SLC16A2: variants seen among roughly 807,000 people sequenced by gnomAD.
SLC16A2 encodes solute carrier family 16 member 2.
SLC16A2 carries 3 observed loss-of-function variants against 27.2 expected under a neutral mutation model. The observed-to-expected ratio is 0.11, with a 90% confidence interval of 0.05 to 0.28. SLC16A2 has a LOEUF of 0.28. Ranked by LOEUF, SLC16A2 falls within the 10% of genes least tolerant of loss-of-function variation. SLC16A2 has a pLI of 1.00. For missense variants in SLC16A2, 295 were observed against 458.5 expected (o/e 0.64, Z 3.26); for synonymous variants, 202 against 187.8 (o/e 1.08, Z -0.62).
chrX:74,528,836 C>T (rs779708534), intron 4 of SLC16A2, among the ~76,000 whole-genome samples: 2 of 111,862 alleles, frequency 1.8e-5, no homozygotes, highest in East Asian at 5.6e-4. Flanking sequence ...CTGAGAACAC[C>T]GGTATGGCCT....
At chrX:74,431,639 C>A (rs180898526) in intron 1 of SLC16A2, among the ~76,000 whole-genome samples, 1 of 112,123 alleles carries the variant, frequency 8.9e-6, no homozygotes, top group East Asian at 2.8e-4. Context: ...GAAAAAGAAA[C>A]TGTCTCTTCT....
chrX:74,474,244 G>A (rs771544096), intron 1 of SLC16A2, among the ~76,000 whole-genome samples: 14 of 111,314 alleles, frequency 1.3e-4, no homozygotes, highest in Non-Finnish European at 2.5e-4. Context: ...AATTTCCTCC[G>A]ACAATATTTT....
At chrX:74,491,197 G>A (rs1306334184) in intron 1 of SLC16A2, among the ~76,000 whole-genome samples, 1 of 112,454 alleles carries the variant, frequency 8.9e-6, no homozygotes, top group Non-Finnish European at 1.9e-5. Flanking sequence ...AGAAGGTCTT[G>A]AGAACATTTG....
At chrX:74,493,002 AC>A (rs1929860109) in intron 1 of SLC16A2, among the ~76,000 whole-genome samples, 9 of 111,435 alleles carry the variant, frequency 8.1e-5, no homozygotes. Flanking sequence ...CAGCACAGAC[AC>A]TCTGTCTCAG....
chrX:74,463,515 A>G (rs2147849792), intron 1 of SLC16A2, among the ~76,000 whole-genome samples: 1 of 111,586 alleles, frequency 9.0e-6, no homozygotes, highest in East Asian at 2.8e-4. Flanking sequence ...ACATATTTAA[A>G]GTACATTATT....
Position 74,462,737 on chromosome X carries a change from A to C in SLC16A2, c.430+40670A>C, listed in dbSNP as rs773487269. Among the ~76,000 whole-genome samples the C allele has an allele frequency of 4.5e-5, 5 of 112,130 alleles. No individual in the cohort carries two copies. In the East Asian group the frequency reaches 1.4e-3, roughly 31 times the overall value. On this transcript the variant is annotated intron_variant, in intron 1 of 5. Transcript: ENST00000587091. Reference sequence around the variant, plus strand: ...TTCACAGCCCTGGGAGACCATGACCAAAGGGAAACATGACTGAATGGGACA... The same window carrying C: ...TTCACAGCCCTGGGAGACCATGACCCAAGGGAAACATGACTGAATGGGACA...
intron 1 of SLC16A2, among the ~76,000 whole-genome samples, chrX:74,507,649 G>A (rs1464089975): frequency 1.8e-5 from 2 of 111,998 alleles, no homozygotes; most frequent in Admixed American, 9.5e-5. Context: ...ATCAACCTAG[G>A]TGTCCATCAG....
intron 1 of SLC16A2, among the ~76,000 whole-genome samples, chrX:74,488,817 A>G (rs1602128671): frequency 9.0e-6 from 1 of 111,662 alleles, no homozygotes; most frequent in East Asian, 2.8e-4. Flanking sequence ...ACCTCTTTAT[A>G]TCATTAACTT....
At chrX:74,442,144 C>G (rs895951407) in intron 1 of SLC16A2, among the ~76,000 whole-genome samples, 2 of 104,898 alleles carry the variant, frequency 1.9e-5, no homozygotes, top group African/African-American at 3.5e-5. Flanking sequence ...AGGAGAATCG[C>G]TTGAACCCAG....
chrX:74,482,157 G>A (rs920271386), intron 1 of SLC16A2, among the ~76,000 whole-genome samples: 1 of 111,021 alleles, frequency 9.0e-6, no homozygotes, highest in African/African-American at 3.3e-5. Flanking sequence ...TCTGGTAGAA[G>A]TCAGCCATAA....
chrX:74,467,974 A>T (rs1929284474), intron 1 of SLC16A2, among the ~76,000 whole-genome samples: 1 of 110,853 alleles, frequency 9.0e-6, no homozygotes, highest in African/African-American at 3.3e-5. Context: ...AAGCCTCCAA[A>T]CCACTGTTCA....
chrX:74,467,233 C>T (rs1448054502), intron 1 of SLC16A2, among the ~76,000 whole-genome samples: 1 of 111,809 alleles, frequency 8.9e-6, no homozygotes, highest in Non-Finnish European at 1.9e-5. Context: ...CAGAACCCCT[C>T]ATGATATAGA....
At chrX:74,432,969 A>G (rs182567730) in intron 1 of SLC16A2, among the ~76,000 whole-genome samples, 48 of 112,218 alleles carry the variant, frequency 4.3e-4, no homozygotes, top group African/African-American at 1.5e-3. Flanking sequence ...CACCAGTGTT[A>G]TCTGGTGTGT....
rs1930598352 is a variant in SLC16A2, at chrX:74,533,227, C to G, written c.*1674C>G. On this transcript the variant is annotated 3_prime_UTR_variant, in exon 6 of 6. Coordinates refer to ENST00000587091, the MANE Select transcript of SLC16A2 (RefSeq NM_006517.5). ...TCCAAAGAAGACAATAGTTCCCACTCATGATTTTCCGTTACAAACAGGCAG... is the reference window on the plus strand; with the variant it reads ...TCCAAAGAAGACAATAGTTCCCACTGATGATTTTCCGTTACAAACAGGCAG... 8.9e-6 allele frequency: 1 copy of G among 112,151 alleles called. No individual in the cohort carries two copies. Among genetic ancestry groups the G allele is most frequent in the Admixed American group, 9.4e-5 (1 of 10,597 alleles). The allele number at this position is 112,151 out of a possible 1,213,427, so 9.2% of individuals were successfully genotyped here.
intron 1 of SLC16A2, among the ~76,000 whole-genome samples, chrX:74,476,769 C>T (rs1602122453): frequency 1.8e-5 from 2 of 111,697 alleles, no homozygotes; most frequent in African/African-American, 6.5e-5. Flanking sequence ...TGTTTATATG[C>T]TGGATTACGT....
At chrX:74,431,907 C>T (rs1928540863) in intron 1 of SLC16A2, among the ~76,000 whole-genome samples, 1 of 111,610 alleles carries the variant, frequency 9.0e-6, no homozygotes, top group Non-Finnish European at 1.9e-5. Flanking sequence ...CCCACTCCAT[C>T]TTTTCCATCT....
At chrX:74,496,134 T>G (rs1929929436) in intron 1 of SLC16A2, among the ~76,000 whole-genome samples, 1 of 111,035 alleles carries the variant, frequency 9.0e-6, no homozygotes, top group Non-Finnish European at 1.9e-5. Context: ...TCTTTCCTGG[T>G]CAGGGGTGGG....
chrX:74,425,091 C>T (rs1184064092), intron 1 of SLC16A2, among the ~76,000 whole-genome samples: 2 of 111,744 alleles, frequency 1.8e-5, no homozygotes, highest in African/African-American at 6.5e-5. Flanking sequence ...TGGTCTCAAA[C>T]TCCTGGCCTC....
At chrX:74,441,484 A>C (rs1416847499) in intron 1 of SLC16A2, among the ~76,000 whole-genome samples, 1 of 112,230 alleles carries the variant, frequency 8.9e-6, no homozygotes, top group African/African-American at 3.2e-5. Flanking sequence ...TATTTATTTA[A>C]GGTTTCTGCA....
Sources: allele counts gnomAD v4.1 joint callset (sites outside exome capture counted in the v4.1 genomes callset), GRCh38; gene constraint gnomAD v4.1.1; transcripts MANE v1.5; gene names NCBI Gene and HGNC (gene_info 2026-07-23, HGNC 2026-07-21).